Variants in ATG7 observed in about 807,000 individuals in gnomAD.
The protein encoded by ATG7 is ubiquitin-like modifier-activating enzyme ATG7.
Under a neutral mutation model 82.4 loss-of-function variants are expected in ATG7, and 70 were observed. That is an observed-to-expected ratio of 0.85 (90% CI 0.70 to 1.04). The LOEUF (loss-of-function observed/expected upper bound fraction) is 1.04. ATG7 is among the 50% of genes least tolerant of loss of function. The probability of loss-of-function intolerance (pLI) is 0.00; values close to 1 mark genes in which losing one functional copy is unlikely to be tolerated. For missense variants in ATG7, 792 were observed against 864.3 expected (o/e 0.92, Z 1.05); for synonymous variants, 287 against 313.0 (o/e 0.92, Z 0.88).
intron 3 of ATG7, among the ~76,000 whole-genome samples, chr3:11,296,759 T>G (rs2152686608): frequency 6.6e-6 from 1 of 152,308 alleles, no homozygotes; most frequent in Non-Finnish European, 1.5e-5. Context: ...GCTCTTCTTG[T>G]TCCTTCTGCC....
chr3:11,292,258 T>TTTC (rs1945105949), intron 3 of ATG7, among the ~76,000 whole-genome samples: 5 of 150,068 alleles, frequency 3.3e-5, no homozygotes, highest in Non-Finnish European at 5.9e-5. Context: ...TTCTTTCTTT[T>TTTC]TTTTTTTTTT....
At chr3:11,425,683 A>G (rs1290599594) in intron 19 of ATG7, among the ~76,000 whole-genome samples, 6 of 151,290 alleles carry the variant, frequency 4.0e-5, no homozygotes, top group African/African-American at 1.5e-4. Context: ...TAAGGATAAC[A>G]TATATCCAAA....
At chr3:11,370,275 G>T (rs775135733) in intron 18 of ATG7, among the ~76,000 whole-genome samples, 1 of 151,278 alleles carries the variant, frequency 6.6e-6, no homozygotes, top group African/African-American at 2.4e-5. Context: ...CCATTCTGCA[G>T]TGTTTTTCTA....
At position 11,280,988 on chromosome 3, in the gene ATG7, T is replaced by C. The variant is rs1010878689; in HGVS notation, c.-365-6T>C. On this transcript the variant is annotated splice_region_variant and splice_polypyrimidine_tract_variant and intron_variant, in intron 1 of 20. Coordinates refer to ENST00000693202, the MANE Select transcript of ATG7 (RefSeq NM_001349232.2). ...TACCAGTTCTTAATCCCTCTAATTA[T>C]GTCAGGATCCAATTCCTGTATCTTC... 6.6e-6 allele frequency: 1 copy of C among 152,254 alleles called. No homozygotes were observed. Among genetic ancestry groups the C allele is most frequent in the Non-Finnish European group, 1.5e-5 (1 of 68,038 alleles). 9.4% of individuals were successfully genotyped at this position (152,254 alleles called of 1,614,324 possible). A position where few individuals can be genotyped will look rare whatever the true frequency, so the allele number is the denominator to read the frequency against.
the ATG7 span, among the ~76,000 whole-genome samples, chr3:11,573,329 AAGAAAGAAAGAAAGAAAGAAAGAAAG>A: frequency 1.8e-5 from 1 of 54,734 alleles, no homozygotes; most frequent in African/African-American, 6.8e-5. Context: ...GAAAGAAAGA[AAGAAAGAAAGAAAGAAAGAAAGAAAG>A]AAAGAAAGAA....
chr3:11,321,104 G>A (rs1008062016), intron 9 of ATG7, among the ~76,000 whole-genome samples: 6 of 152,294 alleles, frequency 3.9e-5, no homozygotes, highest in Admixed American at 3.3e-4. Flanking sequence ...TGGAAGTAAT[G>A]GATCCTCACC....
intron 20 of ATG7, among the ~76,000 whole-genome samples, chr3:11,511,579 T>A (rs2092058203): frequency 6.6e-6 from 1 of 152,186 alleles, no homozygotes; most frequent in South Asian, 2.1e-4. Context: ...TGCCTGCCAG[T>A]CCCGTACTGT....
intron 20 of ATG7, among the ~76,000 whole-genome samples, chr3:11,490,910 T>C (rs1422203057): frequency 6.6e-6 from 1 of 152,180 alleles, no homozygotes; most frequent in Non-Finnish European, 1.5e-5. Flanking sequence ...TAACATTTTT[T>C]CCTTCATTTC....
At chr3:11,432,390 A>T (rs1185646972) in intron 20 of ATG7, among the ~76,000 whole-genome samples, 1 of 152,212 alleles carries the variant, frequency 6.6e-6, no homozygotes, top group South Asian at 2.1e-4. Context: ...GTTATAGATT[A>T]AAAAATTTAA....
chr3:11,392,716 G>A (rs1023448683), intron 19 of ATG7, among the ~76,000 whole-genome samples: 4 of 152,120 alleles, frequency 2.6e-5, no homozygotes, highest in Admixed American at 1.3e-4. Flanking sequence ...TTGAGGTTAT[G>A]TCCCAACAGG....
intron 20 of ATG7, among the ~76,000 whole-genome samples, chr3:11,544,497 G>T (rs2071104904): frequency 6.6e-6 from 1 of 152,230 alleles, no homozygotes; most frequent in Non-Finnish European, 1.5e-5. Flanking sequence ...CTGGCCCAGA[G>T]CCAACCCACA....
chr3:11,478,981 A>G (rs190768302), intron 20 of ATG7, among the ~76,000 whole-genome samples: 1 of 114,544 alleles, frequency 8.7e-6, no homozygotes. Context: ...ATGTGCCTGT[A>G]TATTTACAAC....
chr3:11,389,519 G>C lies in ATG7; in HGVS notation c.1956+9467G>C, dbSNP rs542691926. On this transcript the variant is annotated intron_variant, in intron 19 of 20. Transcript: ENST00000693202. ...ATCTAATGACTGGTTAAATCACATA[G>C]CAAAGTTAGACATCTTGAATTTACA... Among the ~76,000 whole-genome samples, 22 of 146,860 alleles carry C rather than the reference G, an allele frequency of 1.5e-4. No individual in the cohort carries two copies. The South Asian group carries it at 3.5e-3, about 24-fold the overall frequency.
chr3:11,403,710 G>T (rs1411143880), intron 19 of ATG7, among the ~76,000 whole-genome samples: 1 of 152,128 alleles, frequency 6.6e-6, no homozygotes, highest in Non-Finnish European at 1.5e-5. Context: ...AAAAGGCAAG[G>T]AATATAAAAA....
intron 8 of ATG7, among the ~76,000 whole-genome samples, chr3:11,314,519 C>T (rs1349356769): frequency 6.6e-6 from 1 of 152,036 alleles, no homozygotes; most frequent in Non-Finnish European, 1.5e-5. Flanking sequence ...TGACTGCTGG[C>T]AGGTATGGGG....
intron 20 of ATG7, among the ~76,000 whole-genome samples, chr3:11,522,072 G>T (rs2092457483): frequency 1.3e-5 from 2 of 152,132 alleles, no homozygotes; most frequent in Admixed American, 1.3e-4. Context: ...TTGCCCCTAG[G>T]TTATCAGCTA....
At chr3:11,471,795 A>G (rs924851220) in intron 20 of ATG7, among the ~76,000 whole-genome samples, 2 of 124,744 alleles carry the variant, frequency 1.6e-5, no homozygotes, top group Non-Finnish European at 3.1e-5. Context: ...GCTGGAGTGC[A>G]GTGGTACAGT....
At chr3:11,277,129 C>G (rs977176357) in intron 1 of ATG7, 7 of 152,316 alleles carry the variant, frequency 4.6e-5, no homozygotes, top group African/African-American at 1.7e-4. Context: ...CACATCTCCT[C>G]CATTTCCTCC....
chr3:11,358,618 C>T lies in ATG7; in HGVS notation c.1479+6C>T, dbSNP rs1305660959. 6.2e-7 allele frequency: 1 copy of T among 1,610,992 alleles called. No individual in the cohort carries two copies. The highest frequency in any genetic ancestry group is 2.2e-5 in the East Asian group (1 of 44,844). On this transcript the variant is annotated splice_donor_region_variant and intron_variant, in intron 15 of 20. Coordinates refer to ENST00000693202, the MANE Select transcript of ATG7 (RefSeq NM_001349232.2). The stretch of plus-strand genomic sequence containing the variant: ...TTGCTGCAAGCAAGAGAAAGGTAGG[C>T]CCTGTCTCTAATTATGATTTATGAT...
Sources: allele counts gnomAD v4.1 joint callset (sites outside exome capture counted in the v4.1 genomes callset), GRCh38; gene constraint gnomAD v4.1.1; transcripts MANE v1.5; gene names NCBI Gene and HGNC (gene_info 2026-07-23, HGNC 2026-07-21).